HDAC9: variants seen among roughly 807,000 people sequenced by gnomAD.
HDAC9 encodes the protein MEF-2 interacting transcription repressor (MITR) protein.
In HDAC9, 41 loss-of-function variants were observed where a neutral mutation model predicts 139.4. The ratio of observed to expected loss-of-function variants is 0.29; its 90% CI spans 0.23 to 0.38. The LOEUF is 0.38. Among genes scored for constraint, HDAC9 ranks in the 10% least tolerant of loss-of-function variants. The probability of loss-of-function intolerance (pLI) is 1.00; values close to 1 mark genes in which losing one functional copy is unlikely to be tolerated. For missense variants in HDAC9, 1,147 were observed against 1,297.0 expected (o/e 0.88, Z 1.78); for synonymous variants, 517 against 476.2 (o/e 1.09, Z -1.12).
chr7:18,832,667 A>G (rs79401685), intron 19 of HDAC9, among the ~76,000 whole-genome samples: 2,931 of 152,292 alleles, frequency 0.019, 98 homozygotes, highest in African/African-American at 0.067. Context: ...GCTTTAGATC[A>G]TACCTGACCA....
At chr7:18,283,124 A>C (rs1278824029) in intron 2 of HDAC9, among the ~76,000 whole-genome samples, 1 of 152,080 alleles carries the variant, frequency 6.6e-6, no homozygotes, top group African/African-American at 2.4e-5. Context: ...ATTTAGGAAG[A>C]AAAGAGGTTT....
chr7:18,967,504 C>T (rs1432057842), intron 24 of HDAC9, among the ~76,000 whole-genome samples: 1 of 138,754 alleles, frequency 7.2e-6, no homozygotes, highest in Non-Finnish European at 1.5e-5. Flanking sequence ...TTGCCCCCCC[C>T]CCAAAAAAAA....
At chr7:18,727,478 A>G (rs769777959) in intron 12 of HDAC9, 102 bp from the exon 13 acceptor site, 3 of 926,840 alleles carry the variant, frequency 3.2e-6, no homozygotes, top group Admixed American at 3.4e-5. Flanking sequence ...ACCGTTTATT[A>G]TGTCTCTGAC....
intron 2 of HDAC9, among the ~76,000 whole-genome samples, chr7:18,237,743 G>C (rs1793921694): frequency 6.6e-6 from 1 of 152,192 alleles, no homozygotes; most frequent in African/African-American, 2.4e-5. Flanking sequence ...TTAAACTTTA[G>C]GACTGGTAAG....
At chr7:18,413,995 C>G (rs1436713393) in intron 1 of HDAC9, among the ~76,000 whole-genome samples, 3 of 152,052 alleles carry the variant, frequency 2.0e-5, no homozygotes, top group Non-Finnish European at 4.4e-5. Context: ...AGACTCAGAC[C>G]ACACATGAGA....
chr7:18,975,580 G>C (rs1784499897), intron 24 of HDAC9, among the ~76,000 whole-genome samples: 1 of 152,130 alleles, frequency 6.6e-6, no homozygotes, highest in Non-Finnish European at 1.5e-5. Flanking sequence ...CTTTATTGCT[G>C]TGTAAGCAAG....
intron 22 of HDAC9, among the ~76,000 whole-genome samples, chr7:18,887,310 C>G (rs1425831841): frequency 2.0e-5 from 3 of 152,146 alleles, no homozygotes; most frequent in Admixed American, 6.5e-5. Flanking sequence ...CCAACAAGCT[C>G]TCAGGTGATG....
intron 2 of HDAC9, among the ~76,000 whole-genome samples, chr7:18,514,122 A>G (rs538633007): frequency 5.9e-5 from 9 of 152,318 alleles, no homozygotes; most frequent in African/African-American, 2.2e-4. Flanking sequence ...ATCTGAGTCA[A>G]TCTTTCTTTT....
intron 22 of HDAC9, among the ~76,000 whole-genome samples, chr7:18,907,990 T>C (rs1181395153): frequency 6.6e-6 from 1 of 152,194 alleles, no homozygotes; most frequent in Non-Finnish European, 1.5e-5. Context: ...TAGAATGTTT[T>C]ATTCTAAAGG....
chr7:18,602,987 A>C (rs1404591163), intron 6 of HDAC9, among the ~76,000 whole-genome samples: 2 of 152,060 alleles, frequency 1.3e-5, no homozygotes, highest in Non-Finnish European at 2.9e-5. Flanking sequence ...CATTATTAGG[A>C]GCATACATAT....
At chr7:18,437,627 GT>G (rs1791332562) in intron 1 of HDAC9, among the ~76,000 whole-genome samples, 1 of 150,818 alleles carries the variant, frequency 6.6e-6, no homozygotes, top group Non-Finnish European at 1.5e-5. Flanking sequence ...TCATACCACA[GT>G]ACACGCACAC....
intron 16 of HDAC9, among the ~76,000 whole-genome samples, chr7:18,787,949 T>C (rs574549885): frequency 7.4e-4 from 112 of 152,340 alleles, no homozygotes; most frequent in Non-Finnish European, 1.2e-3. Flanking sequence ...ACTTAATGTC[T>C]TTAGGTAATT....
At chr7:18,739,057 A>G (rs1364997012) in intron 13 of HDAC9, among the ~76,000 whole-genome samples, 1 of 152,110 alleles carries the variant, frequency 6.6e-6, no homozygotes, top group Non-Finnish European at 1.5e-5. Context: ...CAAATCAGCT[A>G]TTGAAGCTTG....
chr7:18,926,052 A>G (rs185503703), intron 22 of HDAC9, among the ~76,000 whole-genome samples: 22 of 152,274 alleles, frequency 1.4e-4, no homozygotes, highest in East Asian at 3.9e-4. Flanking sequence ...AGCTTTCATT[A>G]AAAGTATAAA....
intron 23 of HDAC9, among the ~76,000 whole-genome samples, chr7:18,939,596 T>A (rs192907079): frequency 1.0e-3 from 158 of 152,336 alleles, no homozygotes; most frequent in African/African-American, 3.4e-3. Context: ...ACTGAAGTTT[T>A]AAATTTTATT....
chr7:18,245,057 A>G (rs908814062), intron 2 of HDAC9, among the ~76,000 whole-genome samples: 1 of 120,540 alleles, frequency 8.3e-6, no homozygotes, highest in South Asian at 2.8e-4. Flanking sequence ...GTTCTAGAAA[A>G]TGGAGGAGGG....
At chr7:18,198,590 G>A (rs1226844515) in intron 2 of HDAC9, among the ~76,000 whole-genome samples, 1 of 152,086 alleles carries the variant, frequency 6.6e-6, no homozygotes, top group Non-Finnish European at 1.5e-5. Flanking sequence ...AATACTTTCT[G>A]TTTTGAATAG....
intron 12 of HDAC9, among the ~76,000 whole-genome samples, chr7:18,702,515 A>T (rs904630633): frequency 2.6e-5 from 4 of 152,220 alleles, no homozygotes; most frequent in Non-Finnish European, 5.9e-5. Context: ...GCTAAACATT[A>T]GATGGCTTAA....
chr7:18,171,693 A>G (rs1028379699), intron 2 of HDAC9, among the ~76,000 whole-genome samples: 2 of 152,086 alleles, frequency 1.3e-5, no homozygotes, highest in Admixed American at 1.3e-4. Flanking sequence ...TTCTGCATCT[A>G]TTGAGATAAT....
Sources: allele counts gnomAD v4.1 joint callset (sites outside exome capture counted in the v4.1 genomes callset), GRCh38; gene constraint gnomAD v4.1.1; transcripts MANE v1.5; gene names NCBI Gene and HGNC (gene_info 2026-07-23, HGNC 2026-07-21).